LASP1NB: variants seen among roughly 807,000 people sequenced by gnomAD.
LASP1NB encodes LASP1 neighbor protein.
the LASP1NB span, chr17:38,927,419 T>C: frequency 6.6e-6 from 1 of 152,090 alleles, no homozygotes; most frequent in Non-Finnish European, 1.5e-5. Context: ...GAGACCAGCC[T>C]GGCCAACACG....
the LASP1NB span, chr17:38,925,822 A>C: frequency 7.5e-6 from 3 of 398,292 alleles, no homozygotes; most frequent in Admixed American, 1.3e-4. Flanking sequence ...AGAAGGAAGG[A>C]TGGAGATGAA....
chr17:38,929,069 G>T, the LASP1NB span: 2 of 152,128 alleles, frequency 1.3e-5, no homozygotes, highest in African/African-American at 4.8e-5. Flanking sequence ...TGGGTACAAT[G>T]TAAGGAGAGA....
At chr17:38,928,718 C>T in the LASP1NB span, 1 of 152,274 alleles carries the variant, frequency 6.6e-6, no homozygotes, top group South Asian at 2.1e-4. Flanking sequence ...TAGAAATGAT[C>T]TTCAGTGGAG....
chr17:38,926,071 G>A, the LASP1NB span, among the ~76,000 whole-genome samples: 3 of 151,912 alleles, frequency 2.0e-5, no homozygotes, highest in Non-Finnish European at 2.9e-5. Context: ...AGGCAGAACG[G>A]GTTGGGAATG....
the LASP1NB span, chr17:38,927,049 A>T: frequency 1.3e-5 from 2 of 152,254 alleles, no homozygotes; most frequent in East Asian, 3.9e-4. Context: ...AATGATAGAA[A>T]CAAGATGGCT....
At chr17:38,928,951 A>G in the LASP1NB span, 1 of 152,234 alleles carries the variant, frequency 6.6e-6, no homozygotes, top group Admixed American at 6.5e-5. Context: ...CTTTTGTGAC[A>G]TCAAGGCTTC....
the LASP1NB span, chr17:38,929,219 T>C: frequency 1.3e-5 from 2 of 152,200 alleles, no homozygotes; most frequent in Non-Finnish European, 1.5e-5. Context: ...TGTGTTATTT[T>C]GATAGTTGTT....
chr17:38,927,805 G>A, the LASP1NB span: 1 of 152,188 alleles, frequency 6.6e-6, no homozygotes, highest in South Asian at 2.1e-4. Flanking sequence ...CACTTTGGGA[G>A]GCTCAGGCAG....
the LASP1NB span, chr17:38,925,838 G>C: frequency 5.0e-6 from 2 of 398,220 alleles, no homozygotes. Context: ...ATGAATGGCC[G>C]AGTGCCCTGC....
chr17:38,925,782 C>T, the LASP1NB span: 2 of 398,600 alleles, frequency 5.0e-6, no homozygotes, highest in Non-Finnish European at 8.8e-6. Flanking sequence ...TGGCCTGGAG[C>T]TGCGGCCGGA....
At chr17:38,928,289 TA>T in the LASP1NB span, 1 of 151,964 alleles carries the variant, frequency 6.6e-6, no homozygotes, top group African/African-American at 2.4e-5. Flanking sequence ...TCCACAAAAA[TA>T]AAAAATAAAA....
At chr17:38,926,762 C>T in the LASP1NB span, 1 of 152,010 alleles carries the variant, frequency 6.6e-6, no homozygotes, top group Non-Finnish European at 1.5e-5. Flanking sequence ...AAATATGTTC[C>T]TTCCTTCTCA....
At chr17:38,925,757 AT>A in the LASP1NB span, 1 of 398,584 alleles carries the variant, frequency 2.5e-6, no homozygotes, top group Non-Finnish European at 4.4e-6. Context: ...GTCCTACATT[AT>A]CTATCTGCTC....
At chr17:38,928,066 A>G in the LASP1NB span, 1 of 152,144 alleles carries the variant, frequency 6.6e-6, no homozygotes, top group Non-Finnish European at 1.5e-5. Context: ...ATAAAAACAT[A>G]AAAATTATGG....
At chr17:38,927,649 A>T in the LASP1NB span, 2 of 152,132 alleles carry the variant, frequency 1.3e-5, no homozygotes, top group East Asian at 3.8e-4. Flanking sequence ...ACAAGGAGAA[A>T]GATTAGTTTT....
At chr17:38,928,562 C>T in the LASP1NB span, 1 of 152,082 alleles carries the variant, frequency 6.6e-6, no homozygotes, top group East Asian at 1.9e-4. Flanking sequence ...TTTATTTACT[C>T]CAAATATATA....
the LASP1NB span, chr17:38,926,824 C>T: frequency 6.6e-6 from 1 of 152,206 alleles, no homozygotes; most frequent in Admixed American, 6.5e-5. Context: ...TGTCCATCTT[C>T]ATCTATGAAG....
the LASP1NB span, chr17:38,927,067 T>C: frequency 6.6e-6 from 1 of 152,054 alleles, no homozygotes; most frequent in East Asian, 1.9e-4. Flanking sequence ...GCTATACTTA[T>C]TTAGGAAAAA....
chr17:38,927,370 G>C, the LASP1NB span: 1 of 152,218 alleles, frequency 6.6e-6, no homozygotes, highest in Non-Finnish European at 1.5e-5. Context: ...CAGCACTCTG[G>C]GAGGCCGAGG....
Sources: gnomAD v4.1 joint callset for allele counts (sites outside exome capture counted in the v4.1 genomes callset) on GRCh38, gnomAD v4.1.1 for gene constraint, MANE v1.5 for transcripts, NCBI Gene and HGNC (gene_info 2026-07-23, HGNC 2026-07-21) for gene names.